LNPK: variants seen among roughly 807,000 people sequenced by gnomAD.
LNPK encodes the protein endoplasmic reticulum junction formation protein lunapark.
In LNPK, 29 loss-of-function variants were observed where a neutral mutation model predicts 55.2. The ratio of observed to expected loss-of-function variants is 0.53; its 90% CI spans 0.39 to 0.72. LNPK has a LOEUF of 0.72. Among genes scored for constraint, LNPK ranks in the 30% least tolerant of loss-of-function variants. The pLI, the probability that LNPK is intolerant of heterozygous loss-of-function variation, is 0.00. For missense variants in LNPK, 467 were observed against 494.8 expected (o/e 0.94, Z 0.53); for synonymous variants, 162 against 168.2 (o/e 0.96, Z 0.29).
Position 175,924,040 on chromosome 2 carries a change from A to C in LNPK, c.*5927T>G, listed in dbSNP as rs1360724771. The C allele has an allele frequency of 6.6e-6, 1 of 152,214 alleles. No individual in the cohort carries two copies. The highest frequency in any genetic ancestry group is 2.4e-5 in the African/African-American group (1 of 41,470). 9.4% of individuals were successfully genotyped at this position (152,214 alleles called of 1,614,324 possible). On this transcript the variant is annotated 3_prime_UTR_variant, in exon 13 of 13. Coordinates refer to ENST00000272748, the MANE Select transcript of LNPK (RefSeq NM_030650.3). Reference sequence around the variant, plus strand: ...TTAAAACTTTAATAATTTTGAAACAAGTCAAATTACATAACTGTAACATAC... The same window carrying C: ...TTAAAACTTTAATAATTTTGAAACACGTCAAATTACATAACTGTAACATAC...
chr2:175,992,794 T>A (rs1038453707), intron 3 of LNPK, among the ~76,000 whole-genome samples: 2 of 152,078 alleles, frequency 1.3e-5, no homozygotes, highest in Non-Finnish European at 2.9e-5. Context: ...TTAATAAAAA[T>A]TAAAACAGTA....
At chr2:175,951,383 CCT>C (rs1685391888) in intron 8 of LNPK, among the ~76,000 whole-genome samples, 1 of 151,666 alleles carries the variant, frequency 6.6e-6, no homozygotes, top group Non-Finnish European at 1.5e-5. Context: ...CGCCCTTTCC[CCT>C]GAGTCCCCAA....
chr2:176,002,371 G>T, upstream of LNPK: 5 of 367,334 alleles, frequency 1.4e-5, no homozygotes, highest in Non-Finnish European at 1.6e-5. Context: ...CGTACCCTGG[G>T]CGGGTAGTTG....
chr2:175,975,389 T>C (rs1279788472), intron 5 of LNPK, among the ~76,000 whole-genome samples: 1 of 152,242 alleles, frequency 6.6e-6, no homozygotes, highest in East Asian at 1.9e-4. Flanking sequence ...AATTTTTATA[T>C]GCTTTCATAT....
Position 175,992,255 on chromosome 2 carries a change from A to C in LNPK, c.233T>G (p.Leu78Arg), listed in dbSNP as rs1356836970. The change falls in exon 4 of 13, where the codon CTC (leucine) becomes CGC (arginine). Residue 78 changes from leucine (L) to arginine (R), a missense_variant. Coordinates refer to ENST00000272748, the MANE Select transcript of LNPK (RefSeq NM_030650.3). ...DEFTARLAMTLPFFAFPLIIW... is the reference protein window; with the variant it reads ...DEFTARLAMTRPFFAFPLIIW... The stretch of plus-strand genomic sequence containing the variant: ...CATCAATGGAAAAGCAAAAAATGGG[A>C]GTGTCATGGCAAGTCTTGCTGTAAA... 1 of 1,556,102 alleles carries C rather than the reference A, an allele frequency of 6.4e-7. No individual in the cohort carries two copies. Among genetic ancestry groups the C allele is most frequent in the East Asian group, 2.4e-5 (1 of 40,976 alleles).
chr2:175,955,718 A>T (rs1685659392), intron 8 of LNPK, among the ~76,000 whole-genome samples: 2 of 152,220 alleles, frequency 1.3e-5, no homozygotes, highest in South Asian at 4.1e-4. Context: ...GATCAAAAAA[A>T]GATCTATAAT....
At chr2:175,937,020 ATC>A (rs1183578274) in intron 12 of LNPK, among the ~76,000 whole-genome samples, 2 of 152,164 alleles carry the variant, frequency 1.3e-5, no homozygotes, top group African/African-American at 4.8e-5. Context: ...AATTCCAATA[ATC>A]TGTTTCACTC....
At position 175,930,081 on chromosome 2, in the gene LNPK, C is replaced by T. The variant is rs778543010; in HGVS notation, c.1173G>A (p.Glu391=). Reference sequence around the variant, plus strand: ...CTTCCTCATTCTCAGTCTCTTGTTTCTCCTCTGGTTCCTCTGAGTCAGATG... The same window carrying T: ...CTTCCTCATTCTCAGTCTCTTGTTTTTCCTCTGGTTCCTCTGAGTCAGATG... ...EKASDSEEPE[E]KQETENEEAS... Residue 391 remains glutamate, a synonymous_variant, in exon 13 of 13, where the codon GAG becomes GAA. Coordinates refer to ENST00000272748, the MANE Select transcript of LNPK (RefSeq NM_030650.3). 56 of 1,613,936 alleles carry T rather than the reference C, an allele frequency of 3.5e-5. No homozygotes were observed. The highest frequency in any genetic ancestry group is 1.6e-4 in the Middle Eastern group (1 of 6,084).
chr2:175,989,291 T>C (rs1687580574), intron 4 of LNPK, among the ~76,000 whole-genome samples: 1 of 152,122 alleles, frequency 6.6e-6, no homozygotes, highest in Admixed American at 6.5e-5. Flanking sequence ...GAAATAGGAA[T>C]ATGACCACTT....
chr2:175,979,564 T>C (rs527509036), intron 5 of LNPK, among the ~76,000 whole-genome samples: 1 of 149,390 alleles, frequency 6.7e-6, no homozygotes, highest in Non-Finnish European at 1.5e-5. Context: ...CCCCTGACTC[T>C]GTCTCAAAAA....
intron 4 of LNPK, among the ~76,000 whole-genome samples, chr2:175,990,027 C>T (rs1281272518): frequency 6.6e-6 from 1 of 152,166 alleles, no homozygotes; most frequent in African/African-American, 2.4e-5. Context: ...ACTATATAAT[C>T]AATGTACACA....
chr2:175,976,223 A>G (rs1294824922), intron 5 of LNPK, among the ~76,000 whole-genome samples: 1 of 152,236 alleles, frequency 6.6e-6, no homozygotes, highest in East Asian at 1.9e-4. Context: ...CAAAAGACAC[A>G]CAAGATCTGA....
intron 4 of LNPK, among the ~76,000 whole-genome samples, chr2:175,986,292 A>T (rs1035382342): frequency 6.6e-6 from 1 of 152,116 alleles, no homozygotes; most frequent in African/African-American, 2.4e-5. Context: ...AATAAACTTA[A>T]ATCAGAAATA....
At chr2:175,949,564 G>A (rs1187520806) in intron 8 of LNPK, among the ~76,000 whole-genome samples, 4 of 151,830 alleles carry the variant, frequency 2.6e-5, no homozygotes, top group Admixed American at 1.3e-4. Context: ...TCCTCTTCAC[G>A]AAGACTTGAG....
At chr2:175,999,455 T>C (rs912465256) in intron 1 of LNPK, among the ~76,000 whole-genome samples, 3 of 152,226 alleles carry the variant, frequency 2.0e-5, no homozygotes, top group Admixed American at 2.0e-4. Context: ...TTCTAACCTG[T>C]TTACAACAGT....
intron 8 of LNPK, among the ~76,000 whole-genome samples, chr2:175,961,259 G>A (rs181188740): frequency 6.6e-6 from 1 of 150,652 alleles, no homozygotes; most frequent in East Asian, 1.9e-4. Context: ...ACAAAAAGAA[G>A]TTTAGACCAA....
In LNPK at chr2:175,929,099, A is replaced by G; in HGVS notation, c.*868T>C. The G allele has an allele frequency of 2.0e-6, 2 of 985,220 alleles. No individual in the cohort carries two copies. The highest frequency in any genetic ancestry group is 2.4e-6 in the Non-Finnish European group (2 of 829,352). The allele number at this position is 985,220 out of a possible 1,614,324, so 61.0% of individuals were successfully genotyped here. ...ACCAAGATACTGTTTGAAGAAGACT[A>G]GATATTTAGCAAAATGAAACTGATG... is the stretch of plus-strand genomic sequence containing the variant. On this transcript the variant is annotated 3_prime_UTR_variant, in exon 13 of 13. Coordinates refer to ENST00000272748, the MANE Select transcript of LNPK (RefSeq NM_030650.3).
At chr2:175,997,722 TG>T (rs1290041860) in intron 1 of LNPK, among the ~76,000 whole-genome samples, 2 of 148,150 alleles carry the variant, frequency 1.3e-5, no homozygotes, top group Non-Finnish European at 3.0e-5. Context: ...TGTGTGTGTG[TG>T]TGTGTGTGTG....
chr2:176,002,323 C>A, upstream of LNPK: 1 of 424,136 alleles, frequency 2.4e-6, no homozygotes. Flanking sequence ...CGCCAATTGG[C>A]GCCGCGGTCG....
Sources: allele counts gnomAD v4.1 joint callset (sites outside exome capture counted in the v4.1 genomes callset), GRCh38; gene constraint gnomAD v4.1.1; transcripts MANE v1.5; gene names NCBI Gene and HGNC (gene_info 2026-07-23, HGNC 2026-07-21).